PPARD: variants seen among roughly 807,000 people sequenced by gnomAD.
PPARD encodes peroxisome proliferator activated receptor delta, also known as peroxisome proliferator-activated receptor delta.
A neutral mutation model predicts 39.5 loss-of-function variants in PPARD; 6 were observed. The observed-to-expected ratio is 0.15, with a 90% CI of 0.08 to 0.30. PPARD has a LOEUF of 0.30. PPARD is among the 10% of genes least tolerant of loss of function. PPARD has a pLI of 1.00. For synonymous variants in PPARD, 210 were observed against 231.3 expected, an observed-to-expected ratio of 0.91 and a Z score of 0.83; for missense variants, 397 against 596.8, an observed-to-expected ratio of 0.67 and a Z score of 3.49.
intron 3 of PPARD, among the ~76,000 whole-genome samples, chr6:35,417,597 T>C (rs1765862563): frequency 6.6e-6 from 1 of 150,942 alleles, no homozygotes; most frequent in Non-Finnish European, 1.5e-5. Flanking sequence ...CGATCTCAGC[T>C]CACTGCAGCC....
chr6:35,372,305 G>A (rs1308419001), intron 2 of PPARD, among the ~76,000 whole-genome samples: 1 of 152,224 alleles, frequency 6.6e-6, no homozygotes, highest in Admixed American at 6.5e-5. Context: ...AGCCTCCCGA[G>A]TAGCTGGGTT....
Position 35,363,463 on chromosome 6 carries a change from G to A in PPARD, c.-102+16313G>A, listed in dbSNP as rs1456309205. 1.3e-5 allele frequency among the ~76,000 whole-genome samples: 2 copies of A among 152,196 alleles called. No homozygotes were observed. Among genetic ancestry groups the A allele is most frequent in the East Asian group, 1.9e-4 (1 of 5,196 alleles). ...TATAATTAAGTTCCCATGTGAAACT[G>A]TATCCCTCAGCTGACACACGCTTGT... On this transcript the variant is annotated intron_variant, in intron 2 of 7. Coordinates refer to ENST00000360694, the MANE Select transcript of PPARD (RefSeq NM_006238.5). This position sits in a 1 kb window ranked among gnomAD's most constrained non-coding sequence, Gnocchi z 4.5.
chr6:35,356,658 C>A (rs1194524396), intron 2 of PPARD, among the ~76,000 whole-genome samples: 1 of 152,184 alleles, frequency 6.6e-6, no homozygotes, highest in Non-Finnish European at 1.5e-5. Flanking sequence ...TCCCTGGCTT[C>A]TACACACTAA....
intron 2 of PPARD, among the ~76,000 whole-genome samples, chr6:35,356,943 A>C (rs916882516): frequency 1.3e-5 from 2 of 152,212 alleles, no homozygotes; most frequent in Non-Finnish European, 2.9e-5. Flanking sequence ...GAAATGGTTT[A>C]CAATTAACAG....
At chr6:35,407,206 C>T (rs563688289) in intron 2 of PPARD, among the ~76,000 whole-genome samples, 5 of 152,298 alleles carry the variant, frequency 3.3e-5, no homozygotes, top group East Asian at 3.9e-4. Flanking sequence ...GCCTGCTAAG[C>T]GGGGACCCCA....
chr6:35,382,417 G>C (rs1436409618), intron 2 of PPARD, among the ~76,000 whole-genome samples: 1 of 152,136 alleles, frequency 6.6e-6, no homozygotes, highest in African/African-American at 2.4e-5. Context: ...GGGTATAATT[G>C]TTTCACCCAC....
intron 2 of PPARD, among the ~76,000 whole-genome samples, chr6:35,398,173 TG>T (rs1175131530): frequency 6.6e-6 from 1 of 152,086 alleles, no homozygotes; most frequent in Non-Finnish European, 1.5e-5. Flanking sequence ...GAATCTGAAT[TG>T]TATTTTAGAA....
chr6:35,419,234 G>A (rs1765982401), intron 3 of PPARD, among the ~76,000 whole-genome samples: 1 of 152,090 alleles, frequency 6.6e-6, no homozygotes. Flanking sequence ...TAGGACAGCT[G>A]GTATGTGGGG....
At chr6:35,383,852 A>T (rs1242628369) in intron 2 of PPARD, among the ~76,000 whole-genome samples, 8 of 134,694 alleles carry the variant, frequency 5.9e-5, no homozygotes, top group Middle Eastern at 4.5e-3. Context: ...CGTCTGAGAA[A>T]TGAGGAGCCT....
chr6:35,384,288 C>T (rs1425662406), intron 2 of PPARD, among the ~76,000 whole-genome samples: 1 of 136,084 alleles, frequency 7.3e-6, no homozygotes, highest in Non-Finnish European at 1.6e-5. Flanking sequence ...CCAGGCCAGC[C>T]GCCCCGTCCG....
At position 35,421,897 on chromosome 6, in the gene PPARD, C is replaced by T. The variant is rs1253403735; in HGVS notation, c.363C>T (p.Asn121=). The T allele has an allele frequency of 1.1e-5, 18 of 1,613,942 alleles. No individual in the cohort carries two copies. In the African/African-American group the frequency reaches 1.9e-4, roughly 17 times the overall value. ...GCAGCTGCAAGATTCAGAAGAAGAA[C>T]CGCAACAAGTGCCAGTACTGCCGCT... ...CERSCKIQKK[N]RNKCQYCRFQ... is the part of the protein sequence containing the mutation. The change falls in exon 5 of 8, where the codon AAC becomes AAT. Residue 121 remains asparagine (N), a synonymous_variant. Coordinates refer to ENST00000360694, the MANE Select transcript of PPARD (RefSeq NM_006238.5).
intron 2 of PPARD, among the ~76,000 whole-genome samples, chr6:35,407,556 A>G (rs933242991): frequency 2.6e-5 from 4 of 151,938 alleles, no homozygotes; most frequent in African/African-American, 9.7e-5. Context: ...AATGGCACCT[A>G]ATGCTAAATG....
At position 35,377,382 on chromosome 6, in the gene PPARD, T is replaced by C. The variant is rs9658089; in HGVS notation, c.-102+30232T>C. 4.5e-3 allele frequency among the ~76,000 whole-genome samples: 683 copies of C among 152,332 alleles called. 5 individuals carry two copies. The highest frequency in any genetic ancestry group is 0.027 in the Middle Eastern group (8 of 294). On this transcript the variant is annotated intron_variant, in intron 2 of 7. Transcript: ENST00000360694. ...ACGTTAATTTAGTCCCGTATCCTACTGAAAGTTTGTTCAAATGCTTAGCGT... is the reference window on the plus strand; with the variant it reads ...ACGTTAATTTAGTCCCGTATCCTACCGAAAGTTTGTTCAAATGCTTAGCGT...
At chr6:35,364,006 T>C (rs1261223966) in intron 2 of PPARD, among the ~76,000 whole-genome samples, 1 of 151,744 alleles carries the variant, frequency 6.6e-6, no homozygotes, top group Non-Finnish European at 1.5e-5. Context: ...TTAACTGTGT[T>C]CTATTAACCA....
At chr6:35,416,394 A>C (rs1376382963) in intron 3 of PPARD, among the ~76,000 whole-genome samples, 5 of 148,978 alleles carry the variant, frequency 3.4e-5, no homozygotes, top group East Asian at 4.0e-4. Flanking sequence ...AAAAAAAAAA[A>C]AAAAAAAAAA....
intron 3 of PPARD, among the ~76,000 whole-genome samples, chr6:35,411,778 G>A (rs9658137): frequency 8.6e-5 from 13 of 152,022 alleles, no homozygotes; most frequent in African/African-American, 2.9e-4. Context: ...CTCACTTATT[G>A]GTTCCCCTTT....
chr6:35,422,047 G>A (rs2150844888), intron 5 of PPARD, 89 bp downstream of exon 5: 1 of 1,441,510 alleles, frequency 6.9e-7, no homozygotes, highest in Non-Finnish European at 9.2e-7. Context: ...GCCTAGAGGG[G>A]GCACCTGTAG....
rs181256148 is a variant in PPARD, at chr6:35,382,248, T to G, written c.-101-28739T>G. Reference sequence around the variant, plus strand: ...ATTAGAGGCCTGTGGCAGGAGAGCATTCGTTCCTGGACATGCCGTGGCACT... The same window carrying G: ...ATTAGAGGCCTGTGGCAGGAGAGCAGTCGTTCCTGGACATGCCGTGGCACT... On this transcript the variant is annotated intron_variant, in intron 2 of 7. Transcript: ENST00000360694. Among the ~76,000 whole-genome samples the G allele has an allele frequency of 5.0e-3, 761 of 152,260 alleles. 4 individuals carry two copies. Among genetic ancestry groups the G allele is most frequent in the Non-Finnish European group, 9.0e-3 (613 of 68,022 alleles).
intron 2 of PPARD, among the ~76,000 whole-genome samples, chr6:35,380,231 A>G (rs1241901988): frequency 1.3e-5 from 2 of 152,220 alleles, no homozygotes; most frequent in Admixed American, 6.5e-5. Context: ...CCATTAGGTC[A>G]TGAGCAACCC....
Sources: gnomAD v4.1 joint callset for allele counts (sites outside exome capture counted in the v4.1 genomes callset) on GRCh38, gnomAD v4.1.1 for gene constraint, Gnocchi (gnomAD v3.1) non-coding constraint, MANE v1.5 for transcripts, NCBI Gene and HGNC (gene_info 2026-07-23, HGNC 2026-07-21) for gene names.